MYL10: variants seen among roughly 807,000 people sequenced by gnomAD.
The protein encoded by MYL10 is myosin light chain 10.
Under a neutral mutation model 21.9 loss-of-function variants are expected in MYL10, and 18 were observed. The observed-to-expected ratio is 0.82, with a 90% confidence interval of 0.57 to 1.22. MYL10 has a LOEUF of 1.22. Ranked by LOEUF, MYL10 falls within the 50% of genes most tolerant of loss-of-function variation. MYL10 has a pLI of 0.00. For missense variants in MYL10, 225 were observed against 230.4 expected, an observed-to-expected ratio of 0.98 and a Z score of 0.15; for synonymous variants, 88 against 82.8, an observed-to-expected ratio of 1.06 and a Z score of -0.34.
At chr7:101,628,788 C>G (rs1406345128) in intron 1 of MYL10, among the ~76,000 whole-genome samples, 2 of 152,256 alleles carry the variant, frequency 1.3e-5, no homozygotes, top group East Asian at 3.8e-4. Flanking sequence ...CTTAACTGTC[C>G]CTGGAGCTGG....
At chr7:101,622,314 T>TA (rs1334982920) in intron 4 of MYL10, 114 bp from the exon 5 acceptor site, 1 of 746,446 alleles carries the variant, frequency 1.3e-6, no homozygotes, top group Non-Finnish European at 2.1e-6. Flanking sequence ...CACTCAGCCC[T>TA]AAGGCCCTGA....
intron 1 of MYL10, among the ~76,000 whole-genome samples, chr7:101,626,396 G>A (rs964559945): frequency 5.3e-5 from 8 of 152,162 alleles, no homozygotes; most frequent in Non-Finnish European, 1.2e-4. Context: ...AGGGACAAGC[G>A]CTGAGAAGAC....
chr7:101,616,256 AAC>A lies in MYL10; in HGVS notation c.495_496del (p.Phe166ArgfsTer3), dbSNP rs779729708. 2 of 1,614,146 alleles carry A rather than the reference AAC, an allele frequency of 1.2e-6. No homozygotes were observed. Among genetic ancestry groups the A allele is most frequent in the South Asian group, 2.2e-5 (2 of 91,082 alleles). On this transcript the variant is annotated frameshift_variant, in exon 6 of 8. Coordinates refer to ENST00000223167, the MANE Select transcript of MYL10 (RefSeq NM_138403.5). LOFTEE classifies it high-confidence loss of function. ...GACGAAACCTTTCCCTTCAGTGTCG[AAC>A]ACTTTGAAGGCGTGGAGAATGGTCT...
chr7:101,620,231 G>T (rs1335352811), intron 5 of MYL10, among the ~76,000 whole-genome samples: 1 of 152,120 alleles, frequency 6.6e-6, no homozygotes, highest in African/African-American at 2.4e-5. Flanking sequence ...AGGCTGAAGC[G>T]TGAGAATCGC....
intron 1 of MYL10, among the ~76,000 whole-genome samples, chr7:101,626,367 A>G (rs1183545180): frequency 2.6e-5 from 4 of 152,200 alleles, no homozygotes; most frequent in African/African-American, 7.2e-5. Context: ...CAGGCAGTCC[A>G]TAGAGGCTGA....
At chr7:101,624,869 T>G (rs575463580) in intron 1 of MYL10, among the ~76,000 whole-genome samples, 1 of 152,014 alleles carries the variant, frequency 6.6e-6, no homozygotes, top group South Asian at 2.1e-4. Context: ...CTCCTACCCA[T>G]CCTGCAGGCT....
chr7:101,616,766 T>C (rs1796614427), intron 5 of MYL10, among the ~76,000 whole-genome samples: 1 of 151,556 alleles, frequency 6.6e-6, no homozygotes, highest in Admixed American at 6.6e-5. Context: ...GGAAAAAGAG[T>C]TCTGTACGTG....
chr7:101,624,402 G>T (rs926930069), intron 1 of MYL10, 138 bp from the exon 2 acceptor site: 18 of 614,934 alleles, frequency 2.9e-5, no homozygotes, highest in Admixed American at 6.1e-5. Context: ...GACAGACAAG[G>T]CTACCCCTGA....
At chr7:101,620,335 C>T (rs1181999361) in intron 5 of MYL10, among the ~76,000 whole-genome samples, 1 of 151,886 alleles carries the variant, frequency 6.6e-6, no homozygotes, top group Non-Finnish European at 1.5e-5. Context: ...AAAAACAAAA[C>T]AAAATAAACA....
At chr7:101,613,789 G>T (rs1796578275) in intron 6 of MYL10, 79 bp from the exon 7 acceptor site, 2 of 1,365,580 alleles carry the variant, frequency 1.5e-6, no homozygotes, top group Non-Finnish European at 2.1e-6. Flanking sequence ...GGTGATGAGG[G>T]GCAAGTGGGG....
chr7:101,622,914 G>A (rs549382725), intron 4 of MYL10, 83 bp downstream of exon 4: 199 of 1,306,242 alleles, frequency 1.5e-4, no homozygotes, highest in Non-Finnish European at 1.9e-4. Flanking sequence ...CACGCTCACC[G>A]CGAGCCCTGC....
chr7:101,624,404 TACCCC>T, intron 1 of MYL10, 140 bp from the exon 2 acceptor site: 2 of 612,292 alleles, frequency 3.3e-6, no homozygotes, highest in Non-Finnish European at 5.7e-6. Flanking sequence ...CAGACAAGGC[TACCCC>T]TGAAGCCTTG....
chr7:101,619,799 A>G (rs1462930297), intron 5 of MYL10, among the ~76,000 whole-genome samples: 2 of 151,174 alleles, frequency 1.3e-5, no homozygotes, highest in Non-Finnish European at 2.9e-5. Flanking sequence ...CTAAGGCAGG[A>G]GAATGGCGTG....
chr7:101,614,555 G>A (rs982617224), intron 6 of MYL10, among the ~76,000 whole-genome samples: 1 of 152,198 alleles, frequency 6.6e-6, no homozygotes, highest in African/African-American at 2.4e-5. Context: ...CCTTGCACTG[G>A]TGAGAGAGAA....
rs191818494 is a variant in MYL10, at chr7:101,624,294, G to A, written c.79-30C>T. 1,113 of 1,582,016 alleles carry A rather than the reference G, an allele frequency of 7.0e-4. 4 individuals carry two copies. The African/African-American group carries it at 0.013, about 18-fold the overall frequency. On this transcript the variant is annotated intron_variant, in intron 1 of 7. Transcript: ENST00000223167. ...GAGGTAGCAGACAAGGCCTTGCAGC[G>A]GCCCCTGCCTCGAGGGTCAGCCCCC...
In MYL10 at chr7:101,613,585, C is replaced by T. The variant is rs1554351886; in HGVS notation, c.583-12G>A. 2 of 1,613,846 alleles carry T rather than the reference C, an allele frequency of 1.2e-6. No homozygotes were observed. The highest frequency in any genetic ancestry group is 1.7e-6 in the Non-Finnish European group (2 of 1,179,860). On this transcript the variant is annotated splice_polypyrimidine_tract_variant and intron_variant, in intron 7 of 7. Transcript: ENST00000223167. ...AACATCTGCTTGACCTGAGAAGGAG[C>T]AGAGAGTCAGCCTGCACCAGGCCAA...
At position 101,626,661 on chromosome 7, in the gene MYL10, A is replaced by G. The variant is rs187563551; in HGVS notation, c.78+2380T>C. 5.2e-4 allele frequency among the ~76,000 whole-genome samples: 79 copies of G among 152,230 alleles called. 1 individual carries two copies. The highest frequency in any genetic ancestry group is 4.7e-3 in the Admixed American group (72 of 15,292). On this transcript the variant is annotated intron_variant, in intron 1 of 7. Coordinates refer to ENST00000223167, the MANE Select transcript of MYL10 (RefSeq NM_138403.5). ...CTCCAGAGGTGCCACGCTGCCCCAAATACTGACCCCCGGCCCTCCCAGGGG... is the reference window on the plus strand; with the variant it reads ...CTCCAGAGGTGCCACGCTGCCCCAAGTACTGACCCCCGGCCCTCCCAGGGG...
rs1381357734 is a variant in MYL10, at chr7:101,616,282, C to G, written c.471G>C (p.Glu157Asp). Residue 157 changes from glutamate (E) to aspartate (D), a missense_variant, in exon 6 of 8, where the codon GAG becomes GAC. By Grantham distance (45) the Glu-to-Asp change is conservative. Transcript: ENST00000223167. Reference sequence around the variant, plus strand: ...ACACTTTGAAGGCGTGGAGAATGGTCTCCTCTGGGTCCGTGCCTATAAGCA... The same window carrying G: ...ACACTTTGAAGGCGTGGAGAATGGTGTCCTCTGGGTCCGTGCCTATAAGCA... ...GEKLKGTDPE[E>D]TILHAFKVFD... The G allele has an allele frequency of 6.2e-7, 1 of 1,614,174 alleles. No individual in the cohort carries two copies. The highest frequency in any genetic ancestry group is 8.5e-7 in the Non-Finnish European group (1 of 1,180,002).
intron 5 of MYL10, among the ~76,000 whole-genome samples, chr7:101,619,853 GCA>G (rs1796655300): frequency 7.9e-6 from 1 of 126,820 alleles, no homozygotes; most frequent in African/African-American, 3.1e-5. Flanking sequence ...TCACACCACT[GCA>G]CTCCAGCCTG....
Sources: allele counts gnomAD v4.1 joint callset (sites outside exome capture counted in the v4.1 genomes callset), GRCh38; gene constraint gnomAD v4.1.1; transcripts MANE v1.5; gene names NCBI Gene and HGNC (gene_info 2026-07-23, HGNC 2026-07-21).